The following PRR16 variants were observed in gnomAD, a reference collection of about 807,000 sequenced individuals.
The protein encoded by PRR16 is protein Largen.
A neutral mutation model predicts 18.2 loss-of-function variants in PRR16; 6 were observed. The observed-to-expected ratio is 0.33, with a 90% CI of 0.18 to 0.65. PRR16 has a LOEUF of 0.65. PRR16 is among the 30% of genes least tolerant of loss of function. PRR16 has a pLI of 0.74. For missense variants in PRR16, 412 were observed against 376.6 expected (o/e 1.09, Z -0.78); for synonymous variants, 151 against 147.8 (o/e 1.02, Z -0.16).
chr5:120,541,935 TA>T (rs1232448744), intron 1 of PRR16, among the ~76,000 whole-genome samples: 1 of 152,032 alleles, frequency 6.6e-6, no homozygotes, highest in Non-Finnish European at 1.5e-5. Context: ...TTTTTTTTTT[TA>T]ATTACAGTTT....
intron 1 of PRR16, among the ~76,000 whole-genome samples, chr5:120,570,779 A>G (rs1015765839): frequency 1.3e-5 from 2 of 152,194 alleles, no homozygotes; most frequent in African/African-American, 4.8e-5. Flanking sequence ...ATTATATGAA[A>G]AATGGATTCC....
intron 1 of PRR16, among the ~76,000 whole-genome samples, chr5:120,640,194 A>G (rs1755374448): frequency 2.6e-5 from 4 of 152,102 alleles, no homozygotes; most frequent in Non-Finnish European, 2.9e-5. Context: ...CCTATTGGGT[A>G]CTATGTTCAA....
At chr5:120,599,289 A>G (rs1177458913) in intron 1 of PRR16, among the ~76,000 whole-genome samples, 1 of 151,900 alleles carries the variant, frequency 6.6e-6, no homozygotes, top group Non-Finnish European at 1.5e-5. Context: ...GTAACCATGT[A>G]AAATATTTGA....
chr5:120,789,501 G>A, the PRR16 span, among the ~76,000 whole-genome samples: 3 of 152,020 alleles, frequency 2.0e-5, no homozygotes. Context: ...CTGGTAATAA[G>A]TTTAAACTGT....
chr5:120,495,746 C>T (rs939403658), intron 1 of PRR16, among the ~76,000 whole-genome samples: 44 of 152,088 alleles, frequency 2.9e-4, no homozygotes, highest in African/African-American at 8.7e-4. Flanking sequence ...TGTAGACAAT[C>T]GTACCCTTTG....
chr5:120,783,404 C>G, the PRR16 span, among the ~76,000 whole-genome samples: 17 of 151,980 alleles, frequency 1.1e-4, no homozygotes, highest in Non-Finnish European at 2.1e-4. Flanking sequence ...CTTCTCAAAA[C>G]TTAGAACTGA....
intron 1 of PRR16, among the ~76,000 whole-genome samples, chr5:120,553,264 C>T (rs544933215): frequency 6.6e-6 from 1 of 151,776 alleles, no homozygotes; most frequent in Non-Finnish European, 1.5e-5. Context: ...TGCGCCATAA[C>T]TTGATATTAG....
intron 1 of PRR16, among the ~76,000 whole-genome samples, chr5:120,611,447 A>G (rs901918183): frequency 6.6e-6 from 1 of 152,110 alleles, no homozygotes; most frequent in Non-Finnish European, 1.5e-5. Flanking sequence ...AGATGGAAAA[A>G]GTGGTTTTGT....
At chr5:120,721,793 C>T in the PRR16 span, among the ~76,000 whole-genome samples, 5 of 152,112 alleles carry the variant, frequency 3.3e-5, no homozygotes, top group South Asian at 8.3e-4. Flanking sequence ...AGTTAAGTGG[C>T]TATTATAGTA....
intron 1 of PRR16, among the ~76,000 whole-genome samples, chr5:120,604,078 A>G (rs1754072009): frequency 6.6e-6 from 1 of 151,062 alleles, no homozygotes; most frequent in Non-Finnish European, 1.5e-5. Context: ...CCATTTGTTC[A>G]AATGCTGAGT....
At chr5:120,747,761 A>T in the PRR16 span, among the ~76,000 whole-genome samples, 2 of 151,710 alleles carry the variant, frequency 1.3e-5, no homozygotes, top group East Asian at 3.9e-4. Flanking sequence ...AGAAAGATGA[A>T]GGAAGGAAGG....
intron 1 of PRR16, among the ~76,000 whole-genome samples, chr5:120,564,430 C>G (rs182908912): frequency 6.6e-6 from 1 of 152,132 alleles, no homozygotes; most frequent in Non-Finnish European, 1.5e-5. Flanking sequence ...TCCGACCTTC[C>G]GACCTCTGGG....
At chr5:120,754,671 T>G in the PRR16 span, among the ~76,000 whole-genome samples, 2 of 137,102 alleles carry the variant, frequency 1.5e-5, no homozygotes, top group African/African-American at 2.7e-5. Flanking sequence ...AAGCAGAATA[T>G]TTTTAGAAAT....
intron 1 of PRR16, among the ~76,000 whole-genome samples, chr5:120,501,135 A>T (rs1011528687): frequency 2.0e-5 from 3 of 152,186 alleles, no homozygotes; most frequent in African/African-American, 7.2e-5. Context: ...GTTTTGCAGG[A>T]ATATATAAAG....
At chr5:120,739,598 G>T in the PRR16 span, among the ~76,000 whole-genome samples, 24 of 152,096 alleles carry the variant, frequency 1.6e-4, no homozygotes, top group South Asian at 6.2e-4. Context: ...TAACAAATTG[G>T]TTTATTTTAC....
At chr5:120,763,436 CAAT>C in the PRR16 span, among the ~76,000 whole-genome samples, 1 of 151,926 alleles carries the variant, frequency 6.6e-6, no homozygotes, top group African/African-American at 2.4e-5. Context: ...GCCTGGCCTG[CAAT>C]AATGTTTTTA....
chr5:120,770,950 T>TCTCTCTCA, the PRR16 span, among the ~76,000 whole-genome samples: 88 of 148,966 alleles, frequency 5.9e-4, no homozygotes, highest in Middle Eastern at 3.5e-3. Flanking sequence ...TCTCTCTCTC[T>TCTCTCTCA]CACACACACA....
At chr5:120,779,702 C>CTT in the PRR16 span, among the ~76,000 whole-genome samples, 3 of 151,970 alleles carry the variant, frequency 2.0e-5, no homozygotes, top group African/African-American at 7.3e-5. Flanking sequence ...TTACAACTCT[C>CTT]TGATTGCAAA....
At chr5:120,544,528 A>G (rs1752015798) in intron 1 of PRR16, among the ~76,000 whole-genome samples, 1 of 152,120 alleles carries the variant, frequency 6.6e-6, no homozygotes, top group African/African-American at 2.4e-5. Flanking sequence ...GTATATGTAC[A>G]GCTATTTATG....
Sources: gnomAD v4.1 joint callset for allele counts (sites outside exome capture counted in the v4.1 genomes callset) on GRCh38, gnomAD v4.1.1 for gene constraint, MANE v1.5 for transcripts, NCBI Gene and HGNC (gene_info 2026-07-23, HGNC 2026-07-21) for gene names.